The following ADGRB3 variants were observed in gnomAD, a reference collection of about 807,000 sequenced individuals.
The protein encoded by ADGRB3 is brain-specific angiogenesis inhibitor 3.
Under a neutral mutation model 193.4 loss-of-function variants are expected in ADGRB3, and 37 were observed. The ratio of observed to expected loss-of-function variants is 0.19; its 90% CI spans 0.15 to 0.25. ADGRB3 has a LOEUF of 0.25. Ranked by LOEUF, ADGRB3 falls within the 10% of genes least tolerant of loss-of-function variation. The pLI is 1.00. For missense variants in ADGRB3, 1,637 were observed against 1,852.9 expected (o/e 0.88, Z 2.14); for synonymous variants, 690 against 644.2 (o/e 1.07, Z -1.08).
chr6:69,060,220 T>TTCTCTGTCTCTCTC (rs1554255600), intron 15 of ADGRB3, among the ~76,000 whole-genome samples: 27 of 129,552 alleles, frequency 2.1e-4, no homozygotes, highest in African/African-American at 8.4e-4. Flanking sequence ...CTCTCTCTCT[T>TTCTCTGTCTCTCTC]TCTCTCTCTC....
At chr6:68,979,671 A>C (rs752080259) in intron 10 of ADGRB3, among the ~76,000 whole-genome samples, 1 of 151,478 alleles carries the variant, frequency 6.6e-6, no homozygotes, top group Non-Finnish European at 1.5e-5. Flanking sequence ...ATAATTGCAG[A>C]ATTCTTGAAA....
intron 17 of ADGRB3, among the ~76,000 whole-genome samples, chr6:69,104,789 TA>T (rs1426176141): frequency 1.4e-4 from 21 of 152,138 alleles, no homozygotes; most frequent in Non-Finnish European, 2.8e-4. Flanking sequence ...GAAGTTTATT[TA>T]AAAATTTATA....
At chr6:68,920,424 A>G (rs1191028431) in intron 3 of ADGRB3, among the ~76,000 whole-genome samples, 1 of 148,688 alleles carries the variant, frequency 6.7e-6, no homozygotes, top group East Asian at 2.1e-4. Context: ...AGGCTGAGGC[A>G]GGAGAATGAC....
intron 20 of ADGRB3, among the ~76,000 whole-genome samples, chr6:69,317,258 G>GC (rs1242597264): frequency 6.6e-6 from 1 of 151,490 alleles, no homozygotes; most frequent in Non-Finnish European, 1.5e-5. Flanking sequence ...GTATATGAGA[G>GC]TTTTTTCCCT....
intron 17 of ADGRB3, among the ~76,000 whole-genome samples, chr6:69,079,317 A>T (rs1772320874): frequency 6.6e-6 from 1 of 152,110 alleles, no homozygotes; most frequent in South Asian, 2.1e-4. Flanking sequence ...GCTTATTGTA[A>T]ATCGGAGAAT....
At chr6:68,720,136 G>A (rs1765551933) in intron 3 of ADGRB3, among the ~76,000 whole-genome samples, 1 of 151,644 alleles carries the variant, frequency 6.6e-6, no homozygotes, top group African/African-American at 2.4e-5. Context: ...ATATGTTTAA[G>A]CCTATGGACC....
intron 26 of ADGRB3, among the ~76,000 whole-genome samples, chr6:69,342,456 A>AT (rs1376979807): frequency 6.6e-6 from 1 of 152,132 alleles, no homozygotes. Flanking sequence ...GGAAGATTTC[A>AT]TTTAAACACC....
At chr6:69,223,138 C>G (rs1218759982) in intron 17 of ADGRB3, among the ~76,000 whole-genome samples, 1 of 152,102 alleles carries the variant, frequency 6.6e-6, no homozygotes, top group African/African-American at 2.4e-5. Flanking sequence ...TGAGGACTCC[C>G]ATTTTCAAAA....
intron 21 of ADGRB3, among the ~76,000 whole-genome samples, chr6:69,326,312 C>T (rs1049223490): frequency 3.3e-5 from 5 of 152,104 alleles, no homozygotes; most frequent in African/African-American, 1.2e-4. Flanking sequence ...AATTTCCTGA[C>T]AAAGGCCTTC....
chr6:68,902,746 A>G (rs888941902), intron 3 of ADGRB3, among the ~76,000 whole-genome samples: 9 of 152,136 alleles, frequency 5.9e-5, no homozygotes, highest in Non-Finnish European at 1.0e-4. Context: ...GATAAACTGA[A>G]AAAAAGCTTT....
chr6:68,751,198 G>T (rs918760130), intron 3 of ADGRB3, among the ~76,000 whole-genome samples: 1 of 152,078 alleles, frequency 6.6e-6, no homozygotes, highest in African/African-American at 2.4e-5. Flanking sequence ...AGATATAACT[G>T]CTCTCATGCT....
intron 17 of ADGRB3, among the ~76,000 whole-genome samples, chr6:69,108,526 A>C (rs1773280009): frequency 6.6e-6 from 1 of 152,092 alleles, no homozygotes; most frequent in Admixed American, 6.6e-5. Context: ...TGAGAAAGGC[A>C]TACACTAAAC....
chr6:68,696,275 C>G (rs111376487), intron 3 of ADGRB3, among the ~76,000 whole-genome samples: 2,303 of 151,902 alleles, frequency 0.015, 28 homozygotes, highest in Non-Finnish European at 0.025. Context: ...AAATTAAAAG[C>G]TGAATGTATT....
intron 3 of ADGRB3, among the ~76,000 whole-genome samples, chr6:68,784,481 T>C (rs1486152328): frequency 6.6e-6 from 1 of 152,182 alleles, no homozygotes; most frequent in Non-Finnish European, 1.5e-5. Flanking sequence ...TATATGCTAT[T>C]ATATTTTCCT....
chr6:69,009,188 G>A (rs545919890), intron 11 of ADGRB3, among the ~76,000 whole-genome samples: 123 of 152,078 alleles, frequency 8.1e-4, no homozygotes, highest in Non-Finnish European at 1.5e-3. Flanking sequence ...TAAACTAGTA[G>A]AGGAAAAAAC....
intron 19 of ADGRB3, among the ~76,000 whole-genome samples, chr6:69,238,333 A>T (rs2127259956): frequency 6.6e-6 from 1 of 152,138 alleles, no homozygotes; most frequent in Non-Finnish European, 1.5e-5. Flanking sequence ...AATAGCTGTT[A>T]CTCTTTCAGG....
chr6:69,203,817 T>C (rs116000063), intron 17 of ADGRB3, among the ~76,000 whole-genome samples: 340 of 152,304 alleles, frequency 2.2e-3, no homozygotes, highest in African/African-American at 7.7e-3. Context: ...TTGATTTCAA[T>C]TGGCCACTAA....
At chr6:68,952,154 C>T (rs546341226) in intron 6 of ADGRB3, among the ~76,000 whole-genome samples, 4 of 152,220 alleles carry the variant, frequency 2.6e-5, no homozygotes, top group African/African-American at 9.6e-5. Context: ...TCCCTGTTCT[C>T]TATTTTTTTC....
chr6:68,981,684 G>T (rs1036934883), intron 10 of ADGRB3, among the ~76,000 whole-genome samples: 1 of 151,448 alleles, frequency 6.6e-6, no homozygotes. Flanking sequence ...TAACAAATGG[G>T]CATGGCTGTG....
Sources: gnomAD v4.1 joint callset for allele counts (sites outside exome capture counted in the v4.1 genomes callset) on GRCh38, gnomAD v4.1.1 for gene constraint, MANE v1.5 for transcripts, NCBI Gene and HGNC (gene_info 2026-07-23, HGNC 2026-07-21) for gene names.